The following PCDHGA7 variants were observed in gnomAD, a reference collection of about 807,000 sequenced individuals.
PCDHGA7 encodes protocadherin gamma-A7.
Under a neutral mutation model 58.3 loss-of-function variants are expected in PCDHGA7, and 44 were observed. The observed-to-expected ratio is 0.75, with a 90% CI of 0.59 to 0.97. PCDHGA7 has a LOEUF of 0.97. Among genes scored for constraint, PCDHGA7 ranks in the 50% least tolerant of loss-of-function variants. The pLI, the probability that PCDHGA7 is intolerant of heterozygous loss-of-function variation, is 0.00. For missense variants in PCDHGA7, 1,266 were observed against 1,188.7 expected (o/e 1.06, Z -0.96); for synonymous variants, 516 against 504.2 (o/e 1.02, Z -0.31).
chr5:141,396,811 A>G (rs999771105), intron 1 of PCDHGA7, among the ~76,000 whole-genome samples: 1 of 152,226 alleles, frequency 6.6e-6, no homozygotes, highest in Non-Finnish European at 1.5e-5. Flanking sequence ...GTAGTGTTCT[A>G]CTGTATGGTG....
At position 141,489,590 on chromosome 5, in the gene PCDHGA7, T is replaced by C; in HGVS notation, c.2425-5217T>C. The C allele has an allele frequency of 6.2e-7, 1 of 1,614,044 alleles. No homozygotes were observed. Among genetic ancestry groups the C allele is most frequent in the Non-Finnish European group, 8.5e-7 (1 of 1,179,984 alleles). ...GTGACTGAACACCCCCTGGAGCTAA[T>C]CCGTGTAGAGGTAGAGATCCTGGAT... On this transcript the variant is annotated intron_variant, in intron 1 of 3. Transcript: ENST00000518325. The surrounding 1 kb of genome is among the most constrained non-coding windows in gnomAD (Gnocchi z 4.5).
intron 1 of PCDHGA7, chr5:141,478,917 T>A: frequency 1.3e-6 from 1 of 772,666 alleles, no homozygotes; most frequent in Middle Eastern, 3.9e-4. Flanking sequence ...TGGATACCTC[T>A]AACCAGTGGC....
chr5:141,419,589 C>T (rs1187251820), intron 1 of PCDHGA7: 1 of 1,611,856 alleles, frequency 6.2e-7, no homozygotes, highest in Non-Finnish European at 8.5e-7. Flanking sequence ...CTCTTCGACA[C>T]AGTGCCGCGG....
At chr5:141,508,835 C>T (rs1190105775) in intron 3 of PCDHGA7, among the ~76,000 whole-genome samples, 12 of 152,158 alleles carry the variant, frequency 7.9e-5, no homozygotes, top group African/African-American at 2.9e-4. Flanking sequence ...CCCCCCTCCC[C>T]TACCCCTTCC....
Position 141,395,117 on chromosome 5 carries a change from G to C in PCDHGA7, c.2424+9794G>C. 4 of 1,614,192 alleles carry C rather than the reference G, an allele frequency of 2.5e-6. No homozygotes were observed. The South Asian group carries it at 4.4e-5, about 18-fold the overall frequency. ...CCGCCGACTCGCGGAAGAGTCACCT[G>C]ATCTTTCCCCAGCCCAACTACGCAG... On this transcript the variant is annotated intron_variant, in intron 1 of 3. Coordinates refer to ENST00000518325, the MANE Select transcript of PCDHGA7 (RefSeq NM_018920.4).
intron 1 of PCDHGA7, chr5:141,388,238 C>G (rs546808390): frequency 3.7e-6 from 6 of 1,607,696 alleles, no homozygotes; most frequent in Non-Finnish European, 5.1e-6. Context: ...ACTTTTATCA[C>G]GTGAATGTGG....
rs760333073 is a variant in PCDHGA7 at position 141,384,286 on chromosome 5, G to A, written c.1387G>A (p.Glu463Lys). Residue 463 changes from glutamate (E) to lysine (K), a missense_variant, in exon 1 of 4, where the codon GAG becomes AAG. Physicochemically the swap from Glu to Lys is moderately conservative, Grantham distance 56 (BLOSUM62 1). Coordinates refer to ENST00000518325, the MANE Select transcript of PCDHGA7 (RefSeq NM_018920.4). ...CTCATCCTACTCAGTCTACATCGCTGAGAACAACCCCAGAGGGGCCTCCAT... is the reference window on the plus strand; with the variant it reads ...CTCATCCTACTCAGTCTACATCGCTAAGAACAACCCCAGAGGGGCCTCCAT... ...PHSSYSVYIA[E>K]NNPRGASIFL... The A allele has an allele frequency of 1.9e-6, 3 of 1,613,834 alleles. No homozygotes were observed. Among genetic ancestry groups the A allele is most frequent in the South Asian group, 2.2e-5 (2 of 91,078 alleles).
chr5:141,422,539 C>G, intron 1 of PCDHGA7: 1 of 1,613,994 alleles, frequency 6.2e-7, no homozygotes, highest in Non-Finnish European at 8.5e-7. Flanking sequence ...TGCAGAAACT[C>G]ATGTCTGGCT....
In PCDHGA7 at chr5:141,476,291, G is replaced by T. The variant is rs1385060012; in HGVS notation, c.2425-18516G>T. The stretch of plus-strand genomic sequence containing the variant: ...GGTCGCGAACCTTGGTTTGGATCTC[G>T]GTAGCCTCTCAGCCCGCAGGTTCCG... On this transcript the variant is annotated intron_variant, in intron 1 of 3. Coordinates refer to ENST00000518325, the MANE Select transcript of PCDHGA7 (RefSeq NM_018920.4). This position sits in a 1 kb window ranked among gnomAD's most constrained non-coding sequence, Gnocchi z 7.6. 4 of 1,614,128 alleles carry T rather than the reference G, an allele frequency of 2.5e-6. No homozygotes were observed. Among genetic ancestry groups the T allele is most frequent in the South Asian group, 1.1e-5 (1 of 91,072 alleles).
intron 1 of PCDHGA7, among the ~76,000 whole-genome samples, chr5:141,492,084 G>C (rs979755390): frequency 2.0e-5 from 3 of 152,236 alleles, no homozygotes; most frequent in African/African-American, 7.2e-5. Flanking sequence ...GCTCCGGCAC[G>C]CTTCGCCGGT....
At chr5:141,408,763 T>C in intron 1 of PCDHGA7, 1 of 1,611,150 alleles carries the variant, frequency 6.2e-7, no homozygotes. Context: ...TTAATTCCGA[T>C]GGTGGCAAAT....
intron 1 of PCDHGA7, chr5:141,411,852 C>G (rs992038456): frequency 1.3e-5 from 2 of 151,222 alleles, no homozygotes; most frequent in East Asian, 1.9e-4. Context: ...AGAGTGAGAC[C>G]CTGTCTCAAA....
At chr5:141,422,588 C>A in intron 1 of PCDHGA7, 1 of 1,614,056 alleles carries the variant, frequency 6.2e-7, no homozygotes, top group South Asian at 1.1e-5. Flanking sequence ...CCCGTTTTTC[C>A]TCACTCCTCT....
chr5:141,444,184 T>TG, intron 1 of PCDHGA7, among the ~76,000 whole-genome samples: 1 of 138,886 alleles, frequency 7.2e-6, no homozygotes, highest in South Asian at 2.4e-4. Flanking sequence ...TTTTTTTTTT[T>TG]TTTTGAGATG....
At chr5:141,404,248 G>A in intron 1 of PCDHGA7, 2 of 1,613,812 alleles carry the variant, frequency 1.2e-6, no homozygotes, top group African/African-American at 2.7e-5. Flanking sequence ...CTCCGCCCCT[G>A]TCCACAGAAA....
chr5:141,437,484 T>C (rs547317864), intron 1 of PCDHGA7, among the ~76,000 whole-genome samples: 2 of 152,332 alleles, frequency 1.3e-5, no homozygotes, highest in South Asian at 4.1e-4. Flanking sequence ...ATATTTAATC[T>C]CGTAGATCAC....
In PCDHGA7 at chr5:141,486,805, C is replaced by A; in HGVS notation, c.2425-8002C>A. On this transcript the variant is annotated intron_variant, in intron 1 of 3. Transcript: ENST00000518325. The surrounding 1 kb of genome is among the most constrained non-coding windows in gnomAD (Gnocchi z 5.0). ...AGGCCCGGGATCGGGGCAACCCACC[C>A]CTTAGCAGCACTGTAACAGTTCGTC... 1.2e-6 allele frequency: 2 copies of A among 1,614,242 alleles called. No homozygotes were observed. Among genetic ancestry groups the A allele is most frequent in the Admixed American group, 1.7e-5 (1 of 60,034 alleles).
rs1422052114 is a variant in PCDHGA7, at chr5:141,511,168, A to T, written c.2794A>T (p.Lys932Ter). The change falls in exon 4 of 4, where the codon AAG (lysine) becomes TAG (stop). Residue 932 changes from lysine to a stop codon, truncating the protein, a stop_gained. Coordinates refer to ENST00000518325, the MANE Select transcript of PCDHGA7 (RefSeq NM_018920.4). LOFTEE classifies it high-confidence loss of function. ...GAAGAAGTCGGGCAAGAAGGAGAAG[A>T]AGTAACATGGAGGCCAGGCCAAGAG... is the stretch of plus-strand genomic sequence containing the variant. The part of the protein sequence containing the change: ...NKKKSGKKEK[K>*] 1.4e-5 allele frequency: 22 copies of T among 1,614,038 alleles called. No individual in the cohort carries two copies. The highest frequency in any genetic ancestry group is 1.7e-5 in the Non-Finnish European group (20 of 1,180,008).
At chr5:141,407,124 T>C (rs1409043654) in intron 1 of PCDHGA7, among the ~76,000 whole-genome samples, 1 of 152,242 alleles carries the variant, frequency 6.6e-6, no homozygotes, top group Non-Finnish European at 1.5e-5. Flanking sequence ...TTTCAGTTGC[T>C]TTATTTTTAA....
Sources: allele counts gnomAD v4.1 joint callset (sites outside exome capture counted in the v4.1 genomes callset), GRCh38; gene constraint gnomAD v4.1.1; non-coding constraint Gnocchi (gnomAD v3.1); transcripts MANE v1.5; gene names NCBI Gene and HGNC (gene_info 2026-07-23, HGNC 2026-07-21).